PHACTR4: variants seen among roughly 807,000 people sequenced by gnomAD.
PHACTR4 encodes protein phosphatase 1, regulatory subunit 124.
A neutral mutation model predicts 72.7 loss-of-function variants in PHACTR4; 51 were observed. That is an observed-to-expected ratio of 0.70 (90% CI 0.56 to 0.89). The LOEUF (loss-of-function observed/expected upper bound fraction) is 0.89. Ranked by LOEUF, PHACTR4 falls within the 40% of genes least tolerant of loss-of-function variation. The probability of loss-of-function intolerance (pLI) is 0.00; values close to 1 mark genes in which losing one functional copy is unlikely to be tolerated. For synonymous variants in PHACTR4, 255 were observed against 302.5 expected (o/e 0.84, Z 1.63); for missense variants, 731 against 861.8 (o/e 0.85, Z 1.90).
At chr1:28,480,396 G>T in intron 8 of PHACTR4, 55 bp from the exon 9 acceptor site, 2 of 1,598,842 alleles carry the variant, frequency 1.3e-6, no homozygotes, top group South Asian at 2.2e-5. Flanking sequence ...AGGTAAGGTT[G>T]AACCTTTGGC....
At chr1:28,463,839 C>G (rs1193144183) in intron 4 of PHACTR4, among the ~76,000 whole-genome samples, 1 of 152,006 alleles carries the variant, frequency 6.6e-6, no homozygotes, top group Non-Finnish European at 1.5e-5. Context: ...TTCAAACAGT[C>G]CTCCCACCTC....
intron 2 of PHACTR4, among the ~76,000 whole-genome samples, chr1:28,437,957 T>C (rs959287912): frequency 6.6e-6 from 1 of 152,176 alleles, no homozygotes; most frequent in Non-Finnish European, 1.5e-5. Flanking sequence ...AATTTGTAAA[T>C]TCTTTGGTGT....
rs554245104 is a variant in PHACTR4 at position 28,493,938 on chromosome 1, G to A, written c.2093+847G>A. Among the ~76,000 whole-genome samples, 21 of 152,182 alleles carry A rather than the reference G, an allele frequency of 1.4e-4. No homozygotes were observed. In the South Asian group the frequency reaches 4.1e-3, roughly 30 times the overall value. On this transcript the variant is annotated intron_variant, in intron 13 of 13. Coordinates refer to ENST00000373839, the MANE Select transcript of PHACTR4 (RefSeq NM_001048183.3). ...CCAAGAAATCCAACAAAGCCAACAA[G>A]CCAACAAATCAAGTGTTTTGATTTG...
intron 1 of PHACTR4, among the ~76,000 whole-genome samples, chr1:28,395,264 CA>C (rs1264961083): frequency 1.5e-4 from 1 of 6,696 alleles, no homozygotes; most frequent in African/African-American, 1.6e-4. Context: ...AAATGTGATA[CA>C]TAACGATGCC....
intron 1 of PHACTR4, among the ~76,000 whole-genome samples, chr1:28,376,873 G>A (rs111668478): frequency 3.3e-5 from 5 of 151,756 alleles, no homozygotes; most frequent in African/African-American, 7.2e-5. Flanking sequence ...TCCTGACCTC[G>A]TGATCCACCT....
chr1:28,433,986 G>A (rs1350249463), intron 2 of PHACTR4, among the ~76,000 whole-genome samples: 1 of 151,250 alleles, frequency 6.6e-6, no homozygotes, highest in Non-Finnish European at 1.5e-5. Context: ...CACCATGTTG[G>A]TCAGGCTCTT....
intron 6 of PHACTR4, chr1:28,467,128 G>C (rs1258954825): frequency 2.4e-5 from 4 of 168,464 alleles, no homozygotes; most frequent in Admixed American, 2.4e-4. Context: ...CAAGAGAATT[G>C]CTTGAACCCA....
chr1:28,400,071 C>T (rs1008147299), intron 1 of PHACTR4, among the ~76,000 whole-genome samples: 9 of 152,036 alleles, frequency 5.9e-5, no homozygotes, highest in South Asian at 2.1e-4. Context: ...TCTTATAGGC[C>T]GTGGTAAGAA....
chr1:28,392,805 T>G (rs776541453), intron 1 of PHACTR4, among the ~76,000 whole-genome samples: 7 of 152,194 alleles, frequency 4.6e-5, no homozygotes, highest in African/African-American at 9.7e-5. Context: ...TGATTTTTTT[T>G]TTGTTTTTTA....
intron 1 of PHACTR4, among the ~76,000 whole-genome samples, chr1:28,380,080 G>A (rs1022085947): frequency 1.2e-4 from 13 of 111,008 alleles, no homozygotes; most frequent in Non-Finnish European, 1.6e-4. Flanking sequence ...TTTTTGAGAC[G>A]GAGTCTCGCT....
chr1:28,429,370 T>C lies in PHACTR4; in HGVS notation c.16+21907T>C, dbSNP rs556068991. Among the ~76,000 whole-genome samples the C allele has an allele frequency of 4.3e-4, 65 of 152,286 alleles. 1 individual carries two copies. Among genetic ancestry groups the C allele is most frequent in the Admixed American group, 3.9e-3 (60 of 15,288 alleles). On this transcript the variant is annotated intron_variant, in intron 2 of 13. Coordinates refer to ENST00000373839, the MANE Select transcript of PHACTR4 (RefSeq NM_001048183.3). Reference sequence around the variant, plus strand: ...AAAACCACATGAACATACCATTTTTTCCCCACAAAAGCAAGAGTTTCACAG... The same window carrying C: ...AAAACCACATGAACATACCATTTTTCCCCCACAAAAGCAAGAGTTTCACAG...
At chr1:28,438,418 C>A (rs1280046220) in intron 2 of PHACTR4, 2 of 1,612,776 alleles carry the variant, frequency 1.2e-6, no homozygotes, top group South Asian at 1.1e-5. Flanking sequence ...ACCGGTAAAT[C>A]CAGATGCAGT....
chr1:28,411,265 T>G (rs1654772417), intron 2 of PHACTR4, among the ~76,000 whole-genome samples: 1 of 152,230 alleles, frequency 6.6e-6, no homozygotes, highest in Non-Finnish European at 1.5e-5. Flanking sequence ...CAGGCTGGTC[T>G]TGAACTCCTG....
chr1:28,370,923 T>TA (rs959793499), intron 1 of PHACTR4, among the ~76,000 whole-genome samples: 233 of 148,398 alleles, frequency 1.6e-3, no homozygotes, highest in African/African-American at 5.1e-3. Context: ...GACCCCATCT[T>TA]AAAAAAAAAA....
Position 28,465,669 on chromosome 1 carries a change from T to A in PHACTR4, c.272-16T>A. 1 of 1,608,446 alleles carries A rather than the reference T, an allele frequency of 6.2e-7. No individual in the cohort carries two copies. Among genetic ancestry groups the A allele is most frequent in the African/African-American group, 1.3e-5 (1 of 74,686 alleles). On this transcript the variant is annotated splice_polypyrimidine_tract_variant and intron_variant, in intron 4 of 13. Coordinates refer to ENST00000373839, the MANE Select transcript of PHACTR4 (RefSeq NM_001048183.3). ...ATGCCAACTTCATCACTTTGTACTC[T>A]TCTTTCACCTTGCAGGTGGTGAGGA...
chr1:28,404,327 G>A (rs1471425763), intron 1 of PHACTR4, among the ~76,000 whole-genome samples: 1 of 131,202 alleles, frequency 7.6e-6, no homozygotes, highest in East Asian at 2.3e-4. Context: ...CTGTAACCCA[G>A]ACTGGAGTGC....
chr1:28,382,074 C>G lies in PHACTR4; in HGVS notation c.-39+12249C>G, dbSNP rs527741625. ...TGAGCCACTGCGCCCAGCCCTTTGC[C>G]TACTCTTTAATGGGGTTGTTTAGTT... On this transcript the variant is annotated intron_variant, in intron 1 of 13. Coordinates refer to ENST00000373839, the MANE Select transcript of PHACTR4 (RefSeq NM_001048183.3). Among the ~76,000 whole-genome samples, 11 of 152,086 alleles carry G rather than the reference C, an allele frequency of 7.2e-5. No homozygotes were observed. The South Asian group carries it at 2.3e-3, about 32-fold the overall frequency.
intron 1 of PHACTR4, among the ~76,000 whole-genome samples, chr1:28,388,150 A>T (rs1413783020): frequency 9.2e-5 from 14 of 151,828 alleles, no homozygotes; most frequent in Admixed American, 9.2e-4. Context: ...TGATGGTGCC[A>T]TTATGCTGCA....
chr1:28,380,669 T>C (rs1163617215), intron 1 of PHACTR4, among the ~76,000 whole-genome samples: 2 of 152,202 alleles, frequency 1.3e-5, no homozygotes, highest in Non-Finnish European at 2.9e-5. Context: ...GCAAAGGACA[T>C]GATCTTGTTG....
Sources: gnomAD v4.1 joint callset for allele counts (sites outside exome capture counted in the v4.1 genomes callset) on GRCh38, gnomAD v4.1.1 for gene constraint, MANE v1.5 for transcripts, NCBI Gene and HGNC (gene_info 2026-07-23, HGNC 2026-07-21) for gene names.